The following BTC variants were observed in gnomAD, a reference collection of about 807,000 sequenced individuals.
BTC encodes the protein probetacellulin.
A neutral mutation model predicts 18.1 loss-of-function variants in BTC; 13 were observed. That is an observed-to-expected ratio of 0.72 (90% CI 0.47 to 1.14). The LOEUF (loss-of-function observed/expected upper bound fraction) is 1.14, where lower values mean the gene tolerates loss of function less well. BTC is among the 50% of genes most tolerant of loss of function. BTC has a pLI of 0.00. For missense variants in BTC, 247 were observed against 224.2 expected, an observed-to-expected ratio of 1.10 and a Z score of -0.65; for synonymous variants, 83 against 79.4, an observed-to-expected ratio of 1.05 and a Z score of -0.24.
intron 4 of BTC, among the ~76,000 whole-genome samples, chr4:74,748,465 G>C (rs1334959401): frequency 6.6e-6 from 1 of 152,044 alleles, no homozygotes; most frequent in African/African-American, 2.4e-5. Flanking sequence ...GAACCCGGGA[G>C]GCGGAGCTTG....
chr4:74,764,318 C>T (rs782443360), intron 2 of BTC, among the ~76,000 whole-genome samples: 12 of 152,128 alleles, frequency 7.9e-5, no homozygotes, highest in African/African-American at 1.9e-4. Flanking sequence ...ACCTGTGGCA[C>T]GCTAAGACCA....
At chr4:74,785,977 T>G (rs1725468450) in intron 1 of BTC, among the ~76,000 whole-genome samples, 1 of 152,220 alleles carries the variant, frequency 6.6e-6, no homozygotes, top group Non-Finnish European at 1.5e-5. Context: ...GTTCTGCTAT[T>G]ATTTTTATTG....
At chr4:74,774,190 T>G (rs748971020) in intron 1 of BTC, among the ~76,000 whole-genome samples, 1 of 152,226 alleles carries the variant, frequency 6.6e-6, no homozygotes, top group Non-Finnish European at 1.5e-5. Context: ...TATTGATAAT[T>G]TAACAAAATA....
intron 1 of BTC, among the ~76,000 whole-genome samples, chr4:74,771,031 A>C (rs570361781): frequency 6.6e-6 from 1 of 151,990 alleles, no homozygotes; most frequent in South Asian, 2.1e-4. Context: ...AAGTGACGAA[A>C]AGGCATGGAT....
At position 74,783,583 on chromosome 4, in the gene BTC, G is replaced by A. The variant is rs115348674; in HGVS notation, c.64+10679C>T. ...GTTTGGGAATGTGCTGGGGCTATTC[G>A]GCTCTTTTTTTTTTTTTTTTTTTTT... On this transcript the variant is annotated intron_variant, in intron 1 of 5. Coordinates refer to ENST00000395743, the MANE Select transcript of BTC (RefSeq NM_001729.4). Among the ~76,000 whole-genome samples the A allele has an allele frequency of 9.4e-3, 1,218 of 130,144 alleles. 23 individuals carry two copies. The highest frequency in any genetic ancestry group is 0.039 in the African/African-American group (1,158 of 29,482). 85.4% of individuals were successfully genotyped at this position (130,144 alleles called of 152,430 possible).
intron 1 of BTC, among the ~76,000 whole-genome samples, chr4:74,791,154 C>T (rs942516514): frequency 1.3e-5 from 2 of 150,810 alleles, no homozygotes; most frequent in East Asian, 1.9e-4. Context: ...CCAGCCTGGC[C>T]AACATGCCAA....
chr4:74,764,173 G>A (rs1724837533), intron 2 of BTC, among the ~76,000 whole-genome samples: 1 of 151,988 alleles, frequency 6.6e-6, no homozygotes, highest in Non-Finnish European at 1.5e-5. Context: ...GGAAAAATTA[G>A]AGATAAATGT....
chr4:74,767,544 CT>C (rs961195708), intron 2 of BTC, among the ~76,000 whole-genome samples: 31 of 147,812 alleles, frequency 2.1e-4, no homozygotes, highest in South Asian at 6.5e-4. Context: ...ATTCCAATGA[CT>C]TTTTTTTTTA....
rs558539958 is a variant in BTC, at chr4:74,771,017, G to A, written c.65-861C>T. 2.0e-5 allele frequency among the ~76,000 whole-genome samples: 3 copies of A among 151,682 alleles called. No individual in the cohort carries two copies. The East Asian group carries it at 5.8e-4, about 29-fold the overall frequency. The stretch of plus-strand genomic sequence containing the variant: ...TAATCCAACATGAGAAGGAGGATAC[G>A]AAGAAGTGACGAAAAGGCATGGATG... On this transcript the variant is annotated intron_variant, in intron 1 of 5. Transcript: ENST00000395743.
chr4:74,767,512 G>A (rs549438062), intron 2 of BTC, among the ~76,000 whole-genome samples: 71 of 151,526 alleles, frequency 4.7e-4, no homozygotes, highest in Non-Finnish European at 5.0e-4. Context: ...TACCCAAAGT[G>A]ATCTACAGAC....
At chr4:74,781,352 C>T (rs907068228) in intron 1 of BTC, among the ~76,000 whole-genome samples, 5 of 151,698 alleles carry the variant, frequency 3.3e-5, no homozygotes, top group African/African-American at 1.2e-4. Context: ...GTCTCTTTTC[C>T]ATCCACAACC....
At chr4:74,773,128 C>T (rs1020623310) in intron 1 of BTC, among the ~76,000 whole-genome samples, 2 of 152,196 alleles carry the variant, frequency 1.3e-5, no homozygotes, top group Admixed American at 6.5e-5. Context: ...TGGGTGTGAA[C>T]CAAAGCAAGC....
At chr4:74,758,779 A>T (rs907757899) in intron 2 of BTC, among the ~76,000 whole-genome samples, 1 of 152,206 alleles carries the variant, frequency 6.6e-6, no homozygotes, top group Admixed American at 6.5e-5. Context: ...TTGATCGCTC[A>T]CAGAGCTCTC....
chr4:74,769,949 C>G (rs1028073255), intron 2 of BTC, 109 bp downstream of exon 2: 1 of 875,794 alleles, frequency 1.1e-6, no homozygotes, highest in Non-Finnish European at 1.8e-6. Flanking sequence ...GCACTTAGCA[C>G]AGTGACTGGT....
chr4:74,771,599 G>A (rs915366638), intron 1 of BTC, among the ~76,000 whole-genome samples: 5 of 152,134 alleles, frequency 3.3e-5, no homozygotes, highest in Non-Finnish European at 7.4e-5. Context: ...TTTCAAAAGG[G>A]TCTTTTGAAA....
intron 1 of BTC, among the ~76,000 whole-genome samples, chr4:74,774,883 G>A: frequency 6.6e-6 from 1 of 151,922 alleles, no homozygotes; most frequent in East Asian, 1.9e-4. Context: ...GGGTGATTCA[G>A]ACACACCTAA....
At chr4:74,754,013 C>G (rs1724531896) in intron 3 of BTC, among the ~76,000 whole-genome samples, 1 of 152,190 alleles carries the variant, frequency 6.6e-6, no homozygotes, top group African/African-American at 2.4e-5. Flanking sequence ...ATTACTCTCT[C>G]TTGCAGATGA....
intron 1 of BTC, among the ~76,000 whole-genome samples, chr4:74,783,043 G>A (rs1239783333): frequency 1.3e-5 from 2 of 152,264 alleles, no homozygotes; most frequent in Middle Eastern, 3.4e-3. Flanking sequence ...CTCCCATTCT[G>A]CAGGTTGTCT....
intron 1 of BTC, among the ~76,000 whole-genome samples, chr4:74,775,163 T>A (rs1300597510): frequency 6.6e-6 from 1 of 152,126 alleles, no homozygotes; most frequent in Non-Finnish European, 1.5e-5. Context: ...GTAGATGAGG[T>A]ATAGATCCAC....
Sources: gnomAD v4.1 joint callset for allele counts (sites outside exome capture counted in the v4.1 genomes callset) on GRCh38, gnomAD v4.1.1 for gene constraint, MANE v1.5 for transcripts, NCBI Gene and HGNC (gene_info 2026-07-23, HGNC 2026-07-21) for gene names.